SRSF4: variants seen among roughly 807,000 people sequenced by gnomAD.
The protein encoded by SRSF4 is serine/arginine-rich splicing factor 4.
SRSF4 carries 12 observed loss-of-function variants against 48.8 expected under a neutral mutation model. The observed-to-expected ratio is 0.25, with a 90% confidence interval of 0.16 to 0.40. The LOEUF is 0.40. Ranked by LOEUF, SRSF4 falls within the 10% of genes least tolerant of loss-of-function variation. The pLI is 1.00. For missense variants in SRSF4, 466 were observed against 667.1 expected, an observed-to-expected ratio of 0.70 and a Z score of 3.32; for synonymous variants, 248 against 232.5, an observed-to-expected ratio of 1.07 and a Z score of -0.61.
At chr1:29,164,727 G>A (rs1195822316) in intron 1 of SRSF4, among the ~76,000 whole-genome samples, 1 of 151,754 alleles carries the variant, frequency 6.6e-6, no homozygotes, top group Non-Finnish European at 1.5e-5. Context: ...CCCCTCCACA[G>A]CAGGGATTGA....
At chr1:29,167,192 G>A (rs952257881) in intron 1 of SRSF4, among the ~76,000 whole-genome samples, 7 of 152,066 alleles carry the variant, frequency 4.6e-5, no homozygotes, top group African/African-American at 1.7e-4. Flanking sequence ...TTTTTGTTTA[G>A]AAGTCTATAA....
In SRSF4 at chr1:29,153,132, CAT is replaced by C. The variant is rs565002364; in HGVS notation, c.578+1562_578+1563del. 1.2e-3 allele frequency among the ~76,000 whole-genome samples: 181 copies of C among 151,962 alleles called. 1 individual carries two copies. The highest frequency in any genetic ancestry group is 4.3e-3 in the African/African-American group (177 of 41,460). On this transcript the variant is annotated intron_variant, in intron 4 of 5. Transcript: ENST00000373795. ...GACTGAGTTTCAGGGGGGCAAGGAC[CAT>C]ATTTGTCTTTTTTTTGAGACAGAGT...
intron 1 of SRSF4, chr1:29,173,641 GT>G (rs1672787001): frequency 6.8e-6 from 1 of 147,498 alleles, no homozygotes; most frequent in African/African-American, 2.5e-5. Flanking sequence ...TACAGACGGG[GT>G]TTCACCATGC....
intron 1 of SRSF4, among the ~76,000 whole-genome samples, chr1:29,167,976 T>TA (rs1298289774): frequency 4.0e-5 from 6 of 150,610 alleles, no homozygotes; most frequent in African/African-American, 1.5e-4. Flanking sequence ...CCCATGACTC[T>TA]AAAAATCCCA....
intron 1 of SRSF4, among the ~76,000 whole-genome samples, chr1:29,178,729 G>C (rs934042009): frequency 6.6e-6 from 1 of 152,154 alleles, no homozygotes; most frequent in African/African-American, 2.4e-5. Context: ...CCTTCTGCTA[G>C]GGGACTATAA....
intron 1 of SRSF4, chr1:29,171,518 C>G (rs1409959372): frequency 6.6e-6 from 1 of 151,470 alleles, no homozygotes; most frequent in Non-Finnish European, 1.5e-5. Flanking sequence ...CCCATCAGTA[C>G]AAACTAGGGA....
chr1:29,161,596 T>C (rs1184109344), intron 1 of SRSF4, among the ~76,000 whole-genome samples: 4 of 152,158 alleles, frequency 2.6e-5, no homozygotes, highest in East Asian at 1.9e-4. Context: ...AGTTTACTTA[T>C]TTATTTATTT....
intron 1 of SRSF4, chr1:29,165,768 G>A (rs1486619850): frequency 6.6e-6 from 1 of 152,268 alleles, no homozygotes; most frequent in East Asian, 1.9e-4. Flanking sequence ...TGAGGAGCAG[G>A]GGAAAGCAAG....
At chr1:29,178,859 C>G (rs1204352708) in intron 1 of SRSF4, among the ~76,000 whole-genome samples, 1 of 152,204 alleles carries the variant, frequency 6.6e-6, no homozygotes, top group East Asian at 1.9e-4. Context: ...CATTGGTCTT[C>G]TTCCCAGAAG....
At chr1:29,168,029 T>TTA (rs140180703) in intron 1 of SRSF4, among the ~76,000 whole-genome samples, 4,573 of 141,074 alleles carry the variant, frequency 0.032, 112 homozygotes, top group Middle Eastern at 0.077. Context: ...TTTTTTTTTT[T>TTA]AAAAAAAACA....
At position 29,148,881 on chromosome 1, in the gene SRSF4, C is replaced by T. The variant is rs775171548; in HGVS notation, c.1014G>A (p.Gly338=). ...GGCTCCTGCTCCGGCTCCTGCTGCCCCCTTTGCTCCTGCTCCGGCTCCGAC... is the reference window on the plus strand; with the variant it reads ...GGCTCCTGCTCCGGCTCCTGCTGCCTCCTTTGCTCCTGCTCCGGCTCCGAC... The part of the protein sequence containing the change: ...RQSRSRSRSK[G]GSRSRSRSRS... Residue 338 remains glycine, a synonymous_variant, in exon 6 of 6, where the codon GGG becomes GGA. Coordinates refer to ENST00000373795, the MANE Select transcript of SRSF4 (RefSeq NM_005626.5). 2.0e-5 allele frequency: 32 copies of T among 1,603,776 alleles called. No individual in the cohort carries two copies. Among genetic ancestry groups the T allele is most frequent in the South Asian group, 5.5e-5 (5 of 90,816 alleles).
In SRSF4 at chr1:29,149,745, T is replaced by C. The variant is rs901224996; in HGVS notation, c.668+358A>G. On this transcript the variant is annotated intron_variant, in intron 5 of 5. Coordinates refer to ENST00000373795, the MANE Select transcript of SRSF4 (RefSeq NM_005626.5). ...AAAAGCAGGAAGACTGGTCACATGA[T>C]TGAAATCCAAGTGAGGCTGGGCACA... Among the ~76,000 whole-genome samples the C allele has an allele frequency of 3.3e-5, 5 of 149,404 alleles. No homozygotes were observed. The South Asian group carries it at 6.4e-4, about 19-fold the overall frequency.
In SRSF4 at chr1:29,148,299, G is replaced by A. The variant is rs1450155541; in HGVS notation, c.*111C>T. The A allele has an allele frequency of 2.2e-6, 3 of 1,367,598 alleles. No individual in the cohort carries two copies. Among genetic ancestry groups the A allele is most frequent in the Non-Finnish European group, 3.1e-6 (3 of 981,646 alleles). The allele number at this position is 1,367,598 out of a possible 1,614,324, so 84.7% of individuals were successfully genotyped here. A position where few individuals can be genotyped will look rare whatever the true frequency, so the allele number is the denominator to read the frequency against. On this transcript the variant is annotated 3_prime_UTR_variant, in exon 6 of 6. Coordinates refer to ENST00000373795, the MANE Select transcript of SRSF4 (RefSeq NM_005626.5). Reference sequence around the variant, plus strand: ...TTTAACAATTATAGACACACCATTAGGGGAGTTAAAAATGTACAGCAGTGA... The same window carrying A: ...TTTAACAATTATAGACACACCATTAAGGGAGTTAAAAATGTACAGCAGTGA...
Position 29,148,836 on chromosome 1 carries a change from CTT to C in SRSF4, c.1057_1058del (p.Lys353GlufsTer22). Reference protein sequence around the residue: ...RSRSRSKSKDKRKGRKRSREE... With the variant: ...RSRSRSKSKDXRKGRKRSREE... ...CTCTGCTTCTCTTCCTGCCCTTCCT[CTT>C]GTCCTTGCTCTTGCTGCGGCTCCTG... On this transcript the variant is annotated frameshift_variant, in exon 6 of 6. Transcript: ENST00000373795. LOFTEE classifies it high-confidence loss of function. 1 of 1,608,266 alleles carries C rather than the reference CTT, an allele frequency of 6.2e-7. No individual in the cohort carries two copies. Among genetic ancestry groups the C allele is most frequent in the Non-Finnish European group, 8.5e-7 (1 of 1,176,462 alleles).
intron 4 of SRSF4, among the ~76,000 whole-genome samples, chr1:29,154,233 TTTG>T (rs1261320235): frequency 1.3e-5 from 2 of 152,118 alleles, no homozygotes; most frequent in South Asian, 4.1e-4. Flanking sequence ...CCAACTAAAT[TTTG>T]TTATTTTTAG....
intron 1 of SRSF4, among the ~76,000 whole-genome samples, chr1:29,174,600 G>C (rs935247444): frequency 4.7e-5 from 7 of 149,580 alleles, no homozygotes; most frequent in African/African-American, 1.7e-4. Context: ...ATAACTTATA[G>C]TATGATTCCA....
chr1:29,164,880 T>C (rs551346990), intron 1 of SRSF4, among the ~76,000 whole-genome samples: 8 of 152,334 alleles, frequency 5.3e-5, no homozygotes, highest in Non-Finnish European at 7.3e-5. Flanking sequence ...TTCTCTGCAA[T>C]AGGTTGAGTA....
intron 1 of SRSF4, among the ~76,000 whole-genome samples, chr1:29,166,481 C>A (rs1220864132): frequency 1.3e-5 from 2 of 152,140 alleles, no homozygotes; most frequent in African/African-American, 4.8e-5. Flanking sequence ...GCGTTCAGGC[C>A]CTCACAGAAG....
rs533142667 is a variant in SRSF4 at position 29,148,773 on chromosome 1, A to G, written c.1122T>C (p.Ser374=). The part of the protein sequence containing the change: ...SRSRSRSRSK[S]ERSRKRGSKR... ...TGCTGCCTCGCTTTCTGCTCCTCTCACTCTTGCTGCGGCTGCGACTGCGAC... is the reference window on the plus strand; with the variant it reads ...TGCTGCCTCGCTTTCTGCTCCTCTCGCTCTTGCTGCGGCTGCGACTGCGAC... The change falls in exon 6 of 6, where the codon AGT becomes AGC. Residue 374 remains serine, a synonymous_variant. Coordinates refer to ENST00000373795, the MANE Select transcript of SRSF4 (RefSeq NM_005626.5). 9.3e-6 allele frequency: 15 copies of G among 1,609,672 alleles called. No individual in the cohort carries two copies. In the South Asian group the frequency reaches 1.4e-4, roughly 15 times the overall value.
Sources: gnomAD v4.1 joint callset for allele counts (sites outside exome capture counted in the v4.1 genomes callset) on GRCh38, gnomAD v4.1.1 for gene constraint, MANE v1.5 for transcripts, NCBI Gene and HGNC (gene_info 2026-07-23, HGNC 2026-07-21) for gene names.